Variants in ICA1 observed in about 807,000 individuals in gnomAD.
The protein encoded by ICA1 is islet cell autoantigen 1.
In ICA1, 40 loss-of-function variants were observed where a neutral mutation model predicts 71.0. That is an observed-to-expected ratio of 0.56 (90% CI 0.44 to 0.73). The LOEUF is 0.73. Among genes scored for constraint, ICA1 ranks in the 30% least tolerant of loss-of-function variants. The probability of loss-of-function intolerance (pLI) is 0.00; values close to 1 mark genes in which losing one functional copy is unlikely to be tolerated. For missense variants in ICA1, 578 were observed against 576.5 expected, an observed-to-expected ratio of 1.00 and a Z score of -0.03; for synonymous variants, 207 against 209.5, an observed-to-expected ratio of 0.99 and a Z score of 0.10.
At chr7:8,258,535 G>A (rs1204750725) in intron 1 of ICA1, among the ~76,000 whole-genome samples, 4 of 152,148 alleles carry the variant, frequency 2.6e-5, no homozygotes, top group South Asian at 2.1e-4. Context: ...CCCACATCAC[G>A]GAGTATCCTC....
intron 6 of ICA1, among the ~76,000 whole-genome samples, chr7:8,191,778 T>C (rs956193373): frequency 6.6e-6 from 1 of 151,996 alleles, no homozygotes; most frequent in Non-Finnish European, 1.5e-5. Context: ...GTCACTTTTT[T>C]CAGTGCCATT....
In ICA1 at chr7:8,235,896, G is replaced by T. The variant is rs1293164715; in HGVS notation, c.17+14C>A. 2 of 1,612,136 alleles carry T rather than the reference G, an allele frequency of 1.2e-6. No homozygotes were observed. The highest frequency in any genetic ancestry group is 3.3e-5 in the Admixed American group (2 of 59,892). On this transcript the variant is annotated intron_variant, in intron 2 of 13. Transcript: ENST00000402384. ...TCTACTTTCCCAATTCAGAAAAGAT[G>T]ACAAATTACTTACCATTTGTGTCCT...
chr7:8,159,464 C>T (rs1030037020), intron 6 of ICA1, among the ~76,000 whole-genome samples: 1 of 152,158 alleles, frequency 6.6e-6, no homozygotes, highest in Non-Finnish European at 1.5e-5. Context: ...GTAATTTCAA[C>T]AATTTAGGAG....
chr7:8,135,091 A>G (rs34500452), intron 12 of ICA1, among the ~76,000 whole-genome samples: 10,636 of 152,006 alleles, frequency 0.07, 510 homozygotes, highest in South Asian at 0.15. Context: ...CAGTGGTGCA[A>G]TCTCGGTTCA....
chr7:8,214,058 C>CT (rs1794660313), intron 6 of ICA1, among the ~76,000 whole-genome samples: 1 of 152,196 alleles, frequency 6.6e-6, no homozygotes, highest in African/African-American at 2.4e-5. Context: ...CACTGGTCCG[C>CT]TTGTCCTTGT....
rs117221026 is a variant in ICA1 at position 8,132,401 on chromosome 7, T to C, written c.1061-4259A>G. On this transcript the variant is annotated intron_variant, in intron 12 of 13. Coordinates refer to ENST00000402384, the MANE Select transcript of ICA1 (RefSeq NM_001136020.3). This position sits in a 1 kb window ranked among gnomAD's most constrained non-coding sequence, Gnocchi z 4.5. The stretch of plus-strand genomic sequence containing the variant: ...CTCCCCTCACACTTTCAAGTTACTG[T>C]TCTGGTTTCTTCTTCCTTCCACAAC... Among the ~76,000 whole-genome samples the C allele has an allele frequency of 2.2e-3, 338 of 152,308 alleles. 2 individuals carry two copies. The highest frequency in any genetic ancestry group is 2.2e-3 in the Non-Finnish European group (149 of 68,030).
In ICA1 at chr7:8,218,390, T is replaced by C; in HGVS notation, c.494A>G (p.Glu165Gly). The C allele has an allele frequency of 1.9e-6, 3 of 1,614,134 alleles. No homozygotes were observed. The highest frequency in any genetic ancestry group is 2.5e-6 in the Non-Finnish European group (3 of 1,179,992). The change falls in exon 6 of 14, where the codon GAA (glutamate) becomes GGA (glycine). Residue 165 changes from glutamate to glycine, a missense_variant. Coordinates refer to ENST00000402384, the MANE Select transcript of ICA1 (RefSeq NM_001136020.3). ...TVNRMEQCRTEYRGALLWMKD... is the reference protein window; with the variant it reads ...TVNRMEQCRTGYRGALLWMKD... ...CATCCATAATAGTGCTCCTCTATAT[T>C]CCGTCCTGCACTGTTCCATGCGGTT...
At chr7:8,143,164 T>C (rs1795788968) in intron 9 of ICA1, among the ~76,000 whole-genome samples, 1 of 152,216 alleles carries the variant, frequency 6.6e-6, no homozygotes, top group South Asian at 2.1e-4. Context: ...CAAGCTATTA[T>C]ATCTCCATAG....
At chr7:8,187,659 C>T (rs1199160210) in intron 6 of ICA1, among the ~76,000 whole-genome samples, 1 of 152,160 alleles carries the variant, frequency 6.6e-6, no homozygotes, top group Non-Finnish European at 1.5e-5. Context: ...TTTGACTCTT[C>T]TGTAATAATT....
At chr7:8,236,220 A>T (rs552732755) in intron 1 of ICA1, among the ~76,000 whole-genome samples, 138 of 152,380 alleles carry the variant, frequency 9.1e-4, no homozygotes, top group African/African-American at 2.5e-3. Flanking sequence ...GAACAGGCAG[A>T]TTGAATGAAA....
In ICA1 at chr7:8,258,783, T is replaced by C. The variant is rs185716366; in HGVS notation, c.-80+3311A>G. Reference sequence around the variant, plus strand: ...GTTAATTTGATGCTATAATACTAAATAGTAAATTGCTAGAATAGTGAAAGT... The same window carrying C: ...GTTAATTTGATGCTATAATACTAAACAGTAAATTGCTAGAATAGTGAAAGT... On this transcript the variant is annotated intron_variant, in intron 1 of 13. Transcript: ENST00000402384. Among the ~76,000 whole-genome samples the C allele has an allele frequency of 3.0e-4, 46 of 152,320 alleles. No homozygotes were observed. The East Asian group carries it at 6.7e-3, about 22-fold the overall frequency.
chr7:8,115,723 T>C (rs1350386763), intron 13 of ICA1, among the ~76,000 whole-genome samples: 2 of 152,220 alleles, frequency 1.3e-5, no homozygotes, highest in Non-Finnish European at 2.9e-5. Flanking sequence ...AGAAAGTCAG[T>C]GATACCAAAG....
chr7:8,152,576 C>CTT (rs1799279934), intron 8 of ICA1, among the ~76,000 whole-genome samples: 3 of 115,392 alleles, frequency 2.6e-5, no homozygotes, highest in South Asian at 5.9e-4. Context: ...CCACCACCAC[C>CTT]ATCTCCTTCA....
chr7:8,248,601 A>G (rs1737794469), intron 1 of ICA1, among the ~76,000 whole-genome samples: 1 of 152,216 alleles, frequency 6.6e-6, no homozygotes, highest in African/African-American at 2.4e-5. Flanking sequence ...TTGTGGTCCC[A>G]GCTATTCAGG....
chr7:8,113,884 T>G lies in ICA1; in HGVS notation c.*39A>C. ...TTCTGCTAGCCCCCAGGGGAGCTGC[T>G]GGGGGCGGCATGTGAGTGCCCTCCC... On this transcript the variant is annotated 3_prime_UTR_variant, in exon 14 of 14. Coordinates refer to ENST00000402384, the MANE Select transcript of ICA1 (RefSeq NM_001136020.3). The surrounding 1 kb of genome is among the most constrained non-coding windows in gnomAD (Gnocchi z 4.2). The G allele has an allele frequency of 1.2e-6, 2 of 1,612,666 alleles. No individual in the cohort carries two copies. The highest frequency in any genetic ancestry group is 1.7e-6 in the Non-Finnish European group (2 of 1,178,730).
chr7:8,168,693 T>C (rs1225898549), intron 6 of ICA1, among the ~76,000 whole-genome samples: 1 of 152,168 alleles, frequency 6.6e-6, no homozygotes, highest in Non-Finnish European at 1.5e-5. Context: ...AGCTCAGGCT[T>C]CTCAACGCAG....
At chr7:8,192,404 C>T (rs1785991873) in intron 6 of ICA1, among the ~76,000 whole-genome samples, 1 of 152,324 alleles carries the variant, frequency 6.6e-6, no homozygotes, top group African/African-American at 2.4e-5. Context: ...TAACAAAAGT[C>T]ATTCCGGCTT....
At chr7:8,122,195 G>A (rs1326753733) in intron 13 of ICA1, among the ~76,000 whole-genome samples, 1 of 152,170 alleles carries the variant, frequency 6.6e-6, no homozygotes, top group Non-Finnish European at 1.5e-5. Context: ...GCTTCATATG[G>A]CTGGAGTCGG....
chr7:8,257,953 A>T (rs746231694), intron 1 of ICA1, among the ~76,000 whole-genome samples: 1 of 152,096 alleles, frequency 6.6e-6, no homozygotes, highest in African/African-American at 2.4e-5. Flanking sequence ...ACACATACAC[A>T]TGGTTGGGAG....
Sources: gnomAD v4.1 joint callset for allele counts (sites outside exome capture counted in the v4.1 genomes callset) on GRCh38, gnomAD v4.1.1 for gene constraint, Gnocchi (gnomAD v3.1) non-coding constraint, MANE v1.5 for transcripts, NCBI Gene and HGNC (gene_info 2026-07-23, HGNC 2026-07-21) for gene names.